Variants in IGSF11 observed in about 807,000 individuals in gnomAD.
IGSF11 encodes CXADR like 1.
In IGSF11, 22 loss-of-function variants were observed where a neutral mutation model predicts 41.0. That is an observed-to-expected ratio of 0.54 (90% CI 0.38 to 0.77). IGSF11 has a LOEUF of 0.77. IGSF11 is among the 30% of genes least tolerant of loss of function. IGSF11 has a pLI of 0.00. For synonymous variants in IGSF11, 219 were observed against 201.3 expected, an observed-to-expected ratio of 1.09 and a Z score of -0.74; for missense variants, 444 against 530.8, an observed-to-expected ratio of 0.84 and a Z score of 1.61.
chr3:118,924,191 G>A (rs926587617), intron 4 of IGSF11, among the ~76,000 whole-genome samples: 2 of 152,034 alleles, frequency 1.3e-5, no homozygotes, highest in Non-Finnish European at 2.9e-5. Context: ...AATTGTCCTA[G>A]ATTTGGCCAG....
chr3:119,063,939 T>C (rs1314069981), intron 1 of IGSF11, among the ~76,000 whole-genome samples: 1 of 151,902 alleles, frequency 6.6e-6, no homozygotes, highest in East Asian at 1.9e-4. Flanking sequence ...TGTGGAAGAG[T>C]GATGATTGGG....
intron 1 of IGSF11, among the ~76,000 whole-genome samples, chr3:119,001,230 T>A (rs947063700): frequency 6.7e-6 from 1 of 150,362 alleles, no homozygotes; most frequent in Non-Finnish European, 1.5e-5. Flanking sequence ...CATATTTCTT[T>A]CTGTTTTAAT....
chr3:119,135,013 A>G (rs2077540294), intron 1 of IGSF11, among the ~76,000 whole-genome samples: 1 of 152,260 alleles, frequency 6.6e-6, no homozygotes, highest in Non-Finnish European at 1.5e-5. Context: ...AGCCATATGT[A>G]GAAAGCTGAA....
Position 118,902,463 on chromosome 3 carries a change from C to CCCCCA in IGSF11, c.*56_*57insTGGGG. 1.4e-6 allele frequency: 1 copy of CCCCCA among 724,374 alleles called. No homozygotes were observed. The highest frequency in any genetic ancestry group is 2.4e-6 in the Non-Finnish European group (1 of 412,360). 44.9% of individuals were successfully genotyped at this position (724,374 alleles called of 1,614,324 possible). ...TCCCAGCACTCCCCACCCCACCCTC[C>CCCCCA]CCCTTGTATGAGGGCATTCCATTTA... On this transcript the variant is annotated 3_prime_UTR_variant, in exon 7 of 7. Coordinates refer to ENST00000393775, the MANE Select transcript of IGSF11 (RefSeq NM_001015887.3).
chr3:119,020,036 T>C (rs1003533667), intron 1 of IGSF11, among the ~76,000 whole-genome samples: 1 of 152,122 alleles, frequency 6.6e-6, no homozygotes, highest in Admixed American at 6.5e-5. Flanking sequence ...CACAAGAAGA[T>C]AGCTGTTCAT....
At chr3:119,045,993 T>C (rs1310065974) in intron 1 of IGSF11, among the ~76,000 whole-genome samples, 1 of 151,392 alleles carries the variant, frequency 6.6e-6, no homozygotes, top group Non-Finnish European at 1.5e-5. Context: ...AACCCATCTG[T>C]ACATCACCAT....
At chr3:118,951,680 C>T (rs1944577387) in intron 1 of IGSF11, among the ~76,000 whole-genome samples, 3 of 152,094 alleles carry the variant, frequency 2.0e-5, no homozygotes, top group Non-Finnish European at 4.4e-5. Flanking sequence ...GGTTCCAGGA[C>T]ACCCCCCAGA....
chr3:118,921,249 T>G (rs1217796533), intron 4 of IGSF11, among the ~76,000 whole-genome samples: 2 of 152,184 alleles, frequency 1.3e-5, no homozygotes, highest in African/African-American at 2.4e-5. Flanking sequence ...GGGAAGAATA[T>G]CTATCCTGTT....
At chr3:118,916,130 C>T (rs1304037055) in intron 4 of IGSF11, among the ~76,000 whole-genome samples, 6 of 150,352 alleles carry the variant, frequency 4.0e-5, no homozygotes, top group East Asian at 2.0e-4. Context: ...AAGGAACAAC[C>T]GGTAGCAGCC....
intron 1 of IGSF11, among the ~76,000 whole-genome samples, chr3:119,004,719 T>G (rs1384782943): frequency 6.7e-6 from 1 of 148,638 alleles, no homozygotes; most frequent in African/African-American, 2.5e-5. Flanking sequence ...TTTCGTTATG[T>G]ACCCAGTAGT....
At chr3:118,965,870 T>C (rs1310024711) in intron 1 of IGSF11, among the ~76,000 whole-genome samples, 1 of 152,046 alleles carries the variant, frequency 6.6e-6, no homozygotes, top group Non-Finnish European at 1.5e-5. Flanking sequence ...TTTAGAGGGA[T>C]GAAAGAAAGA....
intron 1 of IGSF11, among the ~76,000 whole-genome samples, chr3:119,000,336 T>C (rs1459097009): frequency 6.6e-6 from 1 of 150,740 alleles, no homozygotes; most frequent in Non-Finnish European, 1.5e-5. Context: ...AGGCCAGATC[T>C]CCCTTTGGAA....
intron 1 of IGSF11, among the ~76,000 whole-genome samples, chr3:119,049,138 T>G (rs1225718855): frequency 2.6e-5 from 4 of 151,662 alleles, no homozygotes; most frequent in Non-Finnish European, 4.4e-5. Flanking sequence ...GTGTTGGAAG[T>G]TCTGGCCAGG....
At chr3:119,123,628 A>G (rs1234378596) in intron 1 of IGSF11, among the ~76,000 whole-genome samples, 1 of 152,164 alleles carries the variant, frequency 6.6e-6, no homozygotes, top group African/African-American at 2.4e-5. Context: ...TGCTTCTGTC[A>G]TCCCACTCCC....
chr3:119,104,204 C>T (rs1183053014), intron 1 of IGSF11, among the ~76,000 whole-genome samples: 1 of 152,156 alleles, frequency 6.6e-6, no homozygotes, highest in Admixed American at 6.5e-5. Context: ...TTTGTCAATA[C>T]CCTGCAAGAA....
rs377746200 is a variant in IGSF11, at chr3:119,097,957, A to ATTTTTTTTTTTTTTTTTT, written c.49+7169_49+7186dup. ...AGGCACATGCCACCACATTCAGCTA[A>ATTTTTTTTTTTTTTTTTT]TTTTTTTTTTTTTTTTTTTTTTTTT... On this transcript the variant is annotated intron_variant, in intron 1 of 6. Transcript: ENST00000354673. Among the ~76,000 whole-genome samples the ATTTTTTTTTTTTTTTTTT allele has an allele frequency of 8.5e-3, 496 of 58,350 alleles. 98 individuals carry two copies. Among genetic ancestry groups the ATTTTTTTTTTTTTTTTTT allele is most frequent in the Non-Finnish European group, 0.015 (425 of 29,252 alleles). The allele number at this position is 58,350 out of a possible 152,430, so 38.3% of individuals were successfully genotyped here. A position where few individuals can be genotyped will look rare whatever the true frequency, so the allele number is the denominator to read the frequency against.
chr3:119,113,035 C>A (rs1190102777), intron 1 of IGSF11, among the ~76,000 whole-genome samples: 1 of 152,136 alleles, frequency 6.6e-6, no homozygotes, highest in Non-Finnish European at 1.5e-5. Flanking sequence ...AACCATATCT[C>A]ATGAGGTCTC....
At chr3:119,051,991 A>G (rs1051299464) in intron 1 of IGSF11, among the ~76,000 whole-genome samples, 1 of 152,172 alleles carries the variant, frequency 6.6e-6, no homozygotes, top group Non-Finnish European at 1.5e-5. Flanking sequence ...TGATAAGAGG[A>G]AAGTTCATAG....
At chr3:118,909,357 A>C (rs1351961853) in intron 4 of IGSF11, among the ~76,000 whole-genome samples, 2 of 152,172 alleles carry the variant, frequency 1.3e-5, no homozygotes, top group Non-Finnish European at 2.9e-5. Flanking sequence ...GTTACATCAA[A>C]ATTATATATT....
Sources: allele counts gnomAD v4.1 joint callset (sites outside exome capture counted in the v4.1 genomes callset), GRCh38; gene constraint gnomAD v4.1.1; transcripts MANE v1.5; gene names NCBI Gene and HGNC (gene_info 2026-07-23, HGNC 2026-07-21).